Variants in DLG5 observed in about 807,000 individuals in gnomAD.
DLG5 encodes the protein discs large MAGUK scaffold protein 5, also known as disks large homolog 5.
DLG5 carries 48 observed loss-of-function variants against 189.8 expected under a neutral mutation model. That is an observed-to-expected ratio of 0.25 (90% CI 0.20 to 0.32). The LOEUF is 0.32. Among genes scored for constraint, DLG5 ranks in the 10% least tolerant of loss-of-function variants. The pLI is 1.00. For synonymous variants in DLG5, 1,016 were observed against 1,054.1 expected (o/e 0.96, Z 0.70); for missense variants, 2,160 against 2,544.7 (o/e 0.85, Z 3.25).
chr10:77,896,021 G>A (rs1001440816), intron 1 of DLG5, among the ~76,000 whole-genome samples: 1 of 152,102 alleles, frequency 6.6e-6, no homozygotes, highest in African/African-American at 2.4e-5. Context: ...TTAGCCAGGC[G>A]TGGTGATGCA....
At chr10:77,797,594 C>T (rs139415512) in intron 27 of DLG5, among the ~76,000 whole-genome samples, 134 of 152,220 alleles carry the variant, frequency 8.8e-4, no homozygotes, top group African/African-American at 3.0e-3. Context: ...TGAGAGTCTC[C>T]AGAAAGAGCA....
chr10:77,862,990 T>C (rs1844531075), intron 2 of DLG5, among the ~76,000 whole-genome samples: 1 of 152,184 alleles, frequency 6.6e-6, no homozygotes, highest in Admixed American at 6.5e-5. Context: ...ATCTTAAAAG[T>C]AGCAATGGTT....
intron 15 of DLG5, chr10:77,820,351 A>G (rs3740251): frequency 0.014 from 475 of 32,824 alleles, 1 homozygote; most frequent in South Asian, 0.021. Context: ...ATCTTAGGGG[A>G]AAAAAAAAAA....
At chr10:77,903,468 A>G (rs1473897071) in intron 1 of DLG5, among the ~76,000 whole-genome samples, 1 of 151,866 alleles carries the variant, frequency 6.6e-6, no homozygotes. Context: ...TAAAAATACA[A>G]TTAGCCGGGC....
chr10:77,810,418 C>CT (rs1280047029), intron 23 of DLG5, among the ~76,000 whole-genome samples: 1 of 152,174 alleles, frequency 6.6e-6, no homozygotes, highest in Non-Finnish European at 1.5e-5. Context: ...GTGAAGGCCT[C>CT]TCAGTGCTGG....
At chr10:77,831,377 G>A (rs1366593430) in intron 9 of DLG5, among the ~76,000 whole-genome samples, 4 of 151,530 alleles carry the variant, frequency 2.6e-5, no homozygotes, top group East Asian at 1.9e-4. Flanking sequence ...CCAGCCTGGC[G>A]ACAGAGTGAA....
chr10:77,813,856 T>C (rs533472476), intron 20 of DLG5, among the ~76,000 whole-genome samples: 2 of 152,364 alleles, frequency 1.3e-5, no homozygotes, highest in East Asian at 1.9e-4. Context: ...ATTTCACTTA[T>C]ATTTATCTGC....
intron 30 of DLG5, among the ~76,000 whole-genome samples, chr10:77,794,403 G>A (rs117867872): frequency 0.042 from 6,463 of 152,312 alleles, 210 homozygotes; most frequent in East Asian, 0.18. Flanking sequence ...AATGGAGCAG[G>A]GCCTTGGTGA....
intron 2 of DLG5, among the ~76,000 whole-genome samples, chr10:77,865,011 G>C (rs954683529): frequency 6.6e-6 from 1 of 152,156 alleles, no homozygotes; most frequent in African/African-American, 2.4e-5. Context: ...ATCTAGTCCA[G>C]AGCACTTTTC....
intron 1 of DLG5, among the ~76,000 whole-genome samples, chr10:77,875,234 G>A (rs545333367): frequency 5.9e-5 from 9 of 152,324 alleles, no homozygotes; most frequent in African/African-American, 2.2e-4. Context: ...AGAGCAGTCA[G>A]AGAGGACTTC....
chr10:77,919,005 C>T (rs1315430671), intron 1 of DLG5, among the ~76,000 whole-genome samples: 1 of 152,090 alleles, frequency 6.6e-6, no homozygotes, highest in Admixed American at 6.5e-5. Context: ...CACCTGAGGT[C>T]AGGAATTCGA....
intron 1 of DLG5, among the ~76,000 whole-genome samples, chr10:77,916,899 T>C (rs1846373212): frequency 1.5e-5 from 1 of 67,014 alleles, no homozygotes; most frequent in African/African-American, 1.0e-4. Flanking sequence ...ACAAATAAAA[T>C]ATAGAATATA....
intron 1 of DLG5, chr10:77,912,510 G>C (rs1479790788): frequency 6.6e-6 from 1 of 151,836 alleles, no homozygotes; most frequent in East Asian, 1.9e-4. Flanking sequence ...AGCCTCCCAA[G>C]TAGCTAGGAC....
At chr10:77,920,822 T>C (rs1349159878) in intron 1 of DLG5, among the ~76,000 whole-genome samples, 1 of 152,106 alleles carries the variant, frequency 6.6e-6, no homozygotes, top group African/African-American at 2.4e-5. Flanking sequence ...ATCCAAGAGG[T>C]CAAACGTCCC....
chr10:77,885,226 G>A (rs1471686278), intron 1 of DLG5, among the ~76,000 whole-genome samples: 3 of 151,638 alleles, frequency 2.0e-5, no homozygotes, highest in Non-Finnish European at 3.0e-5. Context: ...CCCATTCTTA[G>A]ATGCCTACGC....
chr10:77,873,595 G>A (rs187935481), intron 1 of DLG5, among the ~76,000 whole-genome samples: 91 of 152,126 alleles, frequency 6.0e-4, no homozygotes, highest in Non-Finnish European at 9.0e-4. Flanking sequence ...GCCCTCCCAG[G>A]CCCCCTCCCA....
At chr10:77,914,952 A>G (rs575737423) in intron 1 of DLG5, among the ~76,000 whole-genome samples, 104 of 152,336 alleles carry the variant, frequency 6.8e-4, no homozygotes, top group African/African-American at 2.4e-3. Flanking sequence ...TAGGGGAAAC[A>G]GGACCAGAGA....
In DLG5 at chr10:77,836,123, G is replaced by A. The variant is rs190552451; in HGVS notation, c.1438-201C>T. Among the ~76,000 whole-genome samples the A allele has an allele frequency of 4.4e-4, 67 of 152,024 alleles. 1 individual carries two copies. Among genetic ancestry groups the A allele is most frequent in the African/African-American group, 1.5e-3 (64 of 41,458 alleles). ...TATTAACCAGCACCCCCTAGCCCCC[G>A]CCATGTCTGTGATCCTATAATCTGG... On this transcript the variant is annotated intron_variant, in intron 7 of 31. Coordinates refer to ENST00000372391, the MANE Select transcript of DLG5 (RefSeq NM_004747.4).
intron 7 of DLG5, among the ~76,000 whole-genome samples, chr10:77,839,504 AAAAG>A (rs567911256): frequency 1.3e-5 from 2 of 152,186 alleles, no homozygotes; most frequent in Non-Finnish European, 2.9e-5. Context: ...ACATCTCAAA[AAAAG>A]AAAGAAAGAA....
Sources: gnomAD v4.1 joint callset for allele counts (sites outside exome capture counted in the v4.1 genomes callset) on GRCh38, gnomAD v4.1.1 for gene constraint, MANE v1.5 for transcripts, NCBI Gene and HGNC (gene_info 2026-07-23, HGNC 2026-07-21) for gene names.